Variants in RHOQ observed in about 807,000 individuals in gnomAD.
RHOQ encodes rho-related GTP-binding protein RhoQ.
A neutral mutation model predicts 25.8 loss-of-function variants in RHOQ; 7 were observed. The ratio of observed to expected loss-of-function variants is 0.27; its 90% CI spans 0.15 to 0.51. The LOEUF (loss-of-function observed/expected upper bound fraction) is 0.51, where lower values mean the gene tolerates loss of function less well. Among genes scored for constraint, RHOQ ranks in the 20% least tolerant of loss-of-function variants. The pLI is 0.97. For missense variants in RHOQ, 165 were observed against 260.6 expected, an observed-to-expected ratio of 0.63 and a Z score of 2.53; for synonymous variants, 97 against 98.6, an observed-to-expected ratio of 0.98 and a Z score of 0.10.
At chr2:46,546,513 T>C (rs1231312153) in intron 2 of RHOQ, among the ~76,000 whole-genome samples, 1 of 21,850 alleles carries the variant, frequency 4.6e-5, no homozygotes, top group Non-Finnish European at 8.4e-5. Flanking sequence ...TATATATATG[T>C]ATATACATAT....
At position 46,582,960 on chromosome 2, in the gene RHOQ, G is replaced by C. The variant is rs1217022216; in HGVS notation, c.*1877G>C. 6.6e-6 allele frequency: 1 copy of C among 152,086 alleles called. No individual in the cohort carries two copies. The highest frequency in any genetic ancestry group is 1.9e-4 in the East Asian group (1 of 5,194). The allele number at this position is 152,086 out of a possible 1,614,324, so 9.4% of individuals were successfully genotyped here. ...ATTAAAGTATCATGGCCTTATGTATGCTCAAATGGAATCTTATGTAACTTT... is the reference window on the plus strand; with the variant it reads ...ATTAAAGTATCATGGCCTTATGTATCCTCAAATGGAATCTTATGTAACTTT... On this transcript the variant is annotated 3_prime_UTR_variant, in exon 5 of 5. Coordinates refer to ENST00000238738, the MANE Select transcript of RHOQ (RefSeq NM_012249.4).
At chr2:46,545,490 T>C (rs953498922) in intron 2 of RHOQ, among the ~76,000 whole-genome samples, 3 of 152,198 alleles carry the variant, frequency 2.0e-5, no homozygotes, top group African/African-American at 7.2e-5. Flanking sequence ...TTTTCCTACA[T>C]ATGGGGCCAG....
chr2:46,561,712 A>G (rs1355859164), intron 2 of RHOQ, among the ~76,000 whole-genome samples: 2 of 152,066 alleles, frequency 1.3e-5, no homozygotes, highest in Non-Finnish European at 2.9e-5. Flanking sequence ...TGGCTCTTGT[A>G]TTCATCTGTG....
intron 2 of RHOQ, among the ~76,000 whole-genome samples, chr2:46,553,367 G>A (rs960296475): frequency 4.6e-5 from 7 of 151,856 alleles, no homozygotes; most frequent in African/African-American, 9.7e-5. Context: ...TATAGTAGGC[G>A]TAAACATTTG....
intron 2 of RHOQ, among the ~76,000 whole-genome samples, chr2:46,546,832 G>A (rs1572734008): frequency 2.6e-5 from 4 of 152,068 alleles, no homozygotes; most frequent in African/African-American, 9.6e-5. Context: ...TTCACAGAGT[G>A]GAAGAGAACA....
chr2:46,558,733 G>A (rs1197191431), intron 2 of RHOQ, among the ~76,000 whole-genome samples: 1 of 152,102 alleles, frequency 6.6e-6, no homozygotes, highest in African/African-American at 2.4e-5. Flanking sequence ...TGTTACCCTG[G>A]AACTTCCACT....
intron 2 of RHOQ, among the ~76,000 whole-genome samples, chr2:46,549,820 G>A (rs1422709630): frequency 6.6e-6 from 1 of 152,088 alleles, no homozygotes. Context: ...TGCCGGCCAG[G>A]ACCTCCTGGA....
chr2:46,572,930 G>T (rs1668982962), intron 2 of RHOQ: 2 of 334,508 alleles, frequency 6.0e-6, no homozygotes, highest in Non-Finnish European at 1.2e-5. Context: ...ACTATGTGAT[G>T]CATATGAACC....
At chr2:46,564,380 C>T (rs1668664442) in intron 2 of RHOQ, among the ~76,000 whole-genome samples, 1 of 152,172 alleles carries the variant, frequency 6.6e-6, no homozygotes, top group Admixed American at 6.5e-5. Context: ...GTTGTACAAC[C>T]ACCAGCTCTG....
chr2:46,572,800 C>T (rs1446703126), intron 2 of RHOQ: 3 of 449,466 alleles, frequency 6.7e-6, no homozygotes, highest in Admixed American at 4.8e-5. Context: ...AGGGCAGTTG[C>T]TCTACATTTG....
intron 2 of RHOQ, among the ~76,000 whole-genome samples, chr2:46,557,082 T>C (rs1289852751): frequency 6.6e-6 from 1 of 152,202 alleles, no homozygotes; most frequent in Non-Finnish European, 1.5e-5. Context: ...ACTTTGTTTT[T>C]CAACCTATCA....
In RHOQ at chr2:46,583,335, C is replaced by T. The variant is rs1265810439; in HGVS notation, c.*2252C>T. ...CTCATTATAAATATGGGAGGTAGAA[C>T]AGAGATCTCCAACGTCTCTCCCATT... is the stretch of plus-strand genomic sequence containing the variant. On this transcript the variant is annotated 3_prime_UTR_variant, in exon 5 of 5. Transcript: ENST00000238738. Among the ~76,000 whole-genome samples the T allele has an allele frequency of 6.6e-6, 1 of 152,146 alleles. No homozygotes were observed. The highest frequency in any genetic ancestry group is 1.5e-5 in the Non-Finnish European group (1 of 67,992).
intron 2 of RHOQ, among the ~76,000 whole-genome samples, chr2:46,546,437 C>A (rs1257665934): frequency 4.3e-5 from 4 of 93,570 alleles, no homozygotes; most frequent in Admixed American, 2.3e-4. Flanking sequence ...TATATGTATC[C>A]GTATACACAT....
rs1166294961 is a variant in RHOQ, at chr2:46,566,510, T to C, written c.202-9577T>C. ...TGCTGTCCCTTAGTCTAAGCTTCCA[T>C]CTTCTCTCAGCTGAATTACTATAAT... is the stretch of plus-strand genomic sequence containing the variant. On this transcript the variant is annotated intron_variant, in intron 2 of 4. Transcript: ENST00000238738. This position sits in a 1 kb window ranked among gnomAD's most constrained non-coding sequence, Gnocchi z 4.2. Among the ~76,000 whole-genome samples, 1 of 152,194 alleles carries C rather than the reference T, an allele frequency of 6.6e-6. No homozygotes were observed. The highest frequency in any genetic ancestry group is 2.4e-5 in the African/African-American group (1 of 41,446).
In RHOQ at chr2:46,554,120, TG is replaced by T. The variant is rs1396045999; in HGVS notation, c.201+10309del. Among the ~76,000 whole-genome samples the T allele has an allele frequency of 1.2e-3, 139 of 112,712 alleles. 1 individual carries two copies. Among genetic ancestry groups the T allele is most frequent in the African/African-American group, 5.2e-3 (122 of 23,634 alleles). 73.9% of individuals were successfully genotyped at this position (112,712 alleles called of 152,430 possible). ...ATGACAGGATCTCATTGTGTGTGTG[TG>T]TTTTTTTTTTTTAATTTATAAATTT... On this transcript the variant is annotated intron_variant, in intron 2 of 4. Coordinates refer to ENST00000238738, the MANE Select transcript of RHOQ (RefSeq NM_012249.4).
intron 2 of RHOQ, among the ~76,000 whole-genome samples, chr2:46,567,894 CA>C (rs1448273858): frequency 9.7e-5 from 14 of 144,628 alleles, no homozygotes; most frequent in South Asian, 2.2e-4. Context: ...CCTGTCTCTA[CA>C]AAAAAAAAAT....
chr2:46,544,006 C>G lies in RHOQ; in HGVS notation c.201+194C>G, dbSNP rs113961821. 2.9e-3 allele frequency among the ~76,000 whole-genome samples: 438 copies of G among 152,196 alleles called. 5 individuals are homozygous for G. Among genetic ancestry groups the G allele is most frequent in the African/African-American group, 9.9e-3 (413 of 41,526 alleles). On this transcript the variant is annotated intron_variant, in intron 2 of 4. Coordinates refer to ENST00000238738, the MANE Select transcript of RHOQ (RefSeq NM_012249.4). ...ACAAAACAAACAGAGCCGGATAAGC[C>G]CCCCCCATGTGAACCCCTGGGCTGT...
At chr2:46,563,143 G>A (rs1668623532) in intron 2 of RHOQ, among the ~76,000 whole-genome samples, 1 of 152,072 alleles carries the variant, frequency 6.6e-6, no homozygotes, top group Admixed American at 6.6e-5. Context: ...GACTCAGGAG[G>A]TCTGTGTCTG....
intron 2 of RHOQ, among the ~76,000 whole-genome samples, chr2:46,544,319 A>C (rs925511235): frequency 5.3e-5 from 8 of 152,138 alleles, no homozygotes; most frequent in African/African-American, 1.9e-4. Context: ...CTGAAAACGT[A>C]ATTTGTGGTG....
Sources: gnomAD v4.1 joint callset for allele counts (sites outside exome capture counted in the v4.1 genomes callset) on GRCh38, gnomAD v4.1.1 for gene constraint, Gnocchi (gnomAD v3.1) non-coding constraint, MANE v1.5 for transcripts, NCBI Gene and HGNC (gene_info 2026-07-23, HGNC 2026-07-21) for gene names.